Variants in TPD52L1 observed in about 807,000 individuals in gnomAD.
TPD52L1 encodes the protein tumor protein D53.
Under a neutral mutation model 28.7 loss-of-function variants are expected in TPD52L1, and 18 were observed. That is an observed-to-expected ratio of 0.63 (90% CI 0.43 to 0.93). The LOEUF (loss-of-function observed/expected upper bound fraction) is 0.93. Ranked by LOEUF, TPD52L1 falls within the 40% of genes least tolerant of loss-of-function variation. The probability of loss-of-function intolerance (pLI) is 0.00; values close to 1 mark genes in which losing one functional copy is unlikely to be tolerated. For synonymous variants in TPD52L1, 75 were observed against 88.8 expected, an observed-to-expected ratio of 0.84 and a Z score of 0.88; for missense variants, 203 against 254.8, an observed-to-expected ratio of 0.80 and a Z score of 1.39.
rs142506326 is a variant in TPD52L1 at position 125,248,318 on chromosome 6, G to A, written c.321G>A (p.Gly107=). Residue 107 remains glycine, a synonymous_variant, in exon 4 of 7, where the codon GGG becomes GGA. Coordinates refer to ENST00000534000, the MANE Select transcript of TPD52L1 (RefSeq NM_003287.4). ...CACATGAAACCCTGAGTCACGCAGG[G>A]CAAAAGGCAACTGCAGCTTTCAGCA... ...KKTHETLSHA[G]QKATAAFSNV... The A allele has an allele frequency of 6.2e-7, 1 of 1,613,994 alleles. No individual in the cohort carries two copies. The highest frequency in any genetic ancestry group is 1.3e-5 in the African/African-American group (1 of 74,906).
intron 1 of TPD52L1, among the ~76,000 whole-genome samples, chr6:125,178,282 G>A (rs1791940992): frequency 1.3e-5 from 2 of 152,108 alleles, no homozygotes; most frequent in South Asian, 2.1e-4. Flanking sequence ...CTATTCTTGT[G>A]AGGCTCAAAT....
At chr6:125,203,590 T>C (rs575767634) in intron 1 of TPD52L1, 3 of 983,830 alleles carry the variant, frequency 3.0e-6, no homozygotes, top group African/African-American at 1.7e-5. Flanking sequence ...GTTGTTTGTC[T>C]GCATGGTTTT....
Position 125,264,148 on chromosome 6 carries a change from C to T in TPD52L1, c.*1186C>T, listed in dbSNP as rs371965605. On this transcript the variant is annotated 3_prime_UTR_variant, in exon 7 of 7. Transcript: ENST00000534000. ...CTCAGATTTCTGCACTAACTTTTAT[C>T]TTATATATCATATGTATCTCTTTTC... 52 of 152,258 alleles carry T rather than the reference C, an allele frequency of 3.4e-4. No homozygotes were observed. In the South Asian group the frequency reaches 0.011, roughly 32 times the overall value. 9.4% of individuals were successfully genotyped at this position (152,258 alleles called of 1,614,324 possible).
chr6:125,248,786 A>AT (rs1797075695), intron 4 of TPD52L1, among the ~76,000 whole-genome samples: 1 of 152,086 alleles, frequency 6.6e-6, no homozygotes. Context: ...CATCTAGTAT[A>AT]TTTTTTCTGT....
At chr6:125,235,095 A>T (rs866490573) in intron 3 of TPD52L1, among the ~76,000 whole-genome samples, 1 of 64,890 alleles carries the variant, frequency 1.5e-5, no homozygotes, top group Non-Finnish European at 2.9e-5. Flanking sequence ...CCCTGTCTAC[A>T]AATAACAATA....
chr6:125,172,061 CTTCTTTCT>C (rs201530227), intron 1 of TPD52L1, among the ~76,000 whole-genome samples: 1 of 137,550 alleles, frequency 7.3e-6, no homozygotes, highest in Non-Finnish European at 1.5e-5. Context: ...CCTTCTTTCT[CTTCTTTCT>C]TTCTTTCTTT....
chr6:125,182,609 G>A (rs187838446), intron 1 of TPD52L1, among the ~76,000 whole-genome samples: 5 of 152,276 alleles, frequency 3.3e-5, no homozygotes, highest in East Asian at 1.9e-4. Flanking sequence ...GGGACATTTA[G>A]TTAACTTGAC....
chr6:125,191,398 T>C (rs573311166), intron 1 of TPD52L1, among the ~76,000 whole-genome samples: 105 of 152,354 alleles, frequency 6.9e-4, no homozygotes, highest in Non-Finnish European at 1.0e-3. Flanking sequence ...AACGTTTTTT[T>C]CCAGCTCCCA....
chr6:125,182,116 G>A (rs1222730424), intron 1 of TPD52L1, among the ~76,000 whole-genome samples: 1 of 152,184 alleles, frequency 6.6e-6, no homozygotes, highest in Non-Finnish European at 1.5e-5. Context: ...CCACTTGAAA[G>A]GCAGGTAGGT....
At chr6:125,178,894 G>C (rs1007066283) in intron 1 of TPD52L1, among the ~76,000 whole-genome samples, 2 of 152,138 alleles carry the variant, frequency 1.3e-5, no homozygotes, top group South Asian at 4.1e-4. Flanking sequence ...TATGTTGACT[G>C]GATTCCCACT....
chr6:125,154,625 T>G (rs1789994440), intron 1 of TPD52L1: 1 of 760,000 alleles, frequency 1.3e-6, no homozygotes, highest in African/African-American at 1.9e-5. Flanking sequence ...CGGGGCTGCC[T>G]GCTGGAGGAG....
At chr6:125,177,980 G>A (rs1027467503) in intron 1 of TPD52L1, among the ~76,000 whole-genome samples, 2 of 152,046 alleles carry the variant, frequency 1.3e-5, no homozygotes, top group Non-Finnish European at 2.9e-5. Context: ...CTCTTTAGCT[G>A]TTTCAATATT....
At chr6:125,233,618 T>G (rs1434879858) in intron 3 of TPD52L1, among the ~76,000 whole-genome samples, 1 of 152,232 alleles carries the variant, frequency 6.6e-6, no homozygotes, top group East Asian at 1.9e-4. Flanking sequence ...TAAAATAATC[T>G]TAAATGTTTT....
chr6:125,217,499 A>G (rs776293271), intron 1 of TPD52L1, among the ~76,000 whole-genome samples: 2 of 152,070 alleles, frequency 1.3e-5, no homozygotes, highest in East Asian at 1.9e-4. Context: ...TTGCGGTCCT[A>G]TGAGAATCTA....
intron 5 of TPD52L1, among the ~76,000 whole-genome samples, chr6:125,254,127 T>A (rs1797444124): frequency 6.6e-6 from 1 of 152,258 alleles, no homozygotes; most frequent in Non-Finnish European, 1.5e-5. Flanking sequence ...AACTTGGGTT[T>A]CTTATTTCCG....
At chr6:125,174,840 G>A (rs1791720751) in intron 1 of TPD52L1, among the ~76,000 whole-genome samples, 1 of 152,152 alleles carries the variant, frequency 6.6e-6, no homozygotes, top group Non-Finnish European at 1.5e-5. Flanking sequence ...AGTGCAAAGT[G>A]CATGGGGAAG....
intron 1 of TPD52L1, among the ~76,000 whole-genome samples, chr6:125,191,467 T>C (rs974273886): frequency 5.3e-5 from 8 of 152,176 alleles, no homozygotes; most frequent in Admixed American, 5.2e-4. Context: ...GAAGGGATAA[T>C]GATGTGTTTA....
At chr6:125,186,479 A>G (rs1182157292) in intron 1 of TPD52L1, among the ~76,000 whole-genome samples, 3 of 152,218 alleles carry the variant, frequency 2.0e-5, no homozygotes, top group Non-Finnish European at 4.4e-5. Flanking sequence ...AAATTGAGCT[A>G]GGGAAAATTT....
At chr6:125,239,293 G>T (rs952139997) in intron 3 of TPD52L1, among the ~76,000 whole-genome samples, 1 of 152,028 alleles carries the variant, frequency 6.6e-6, no homozygotes, top group Admixed American at 6.6e-5. Context: ...GTCTATTCAC[G>T]TCTGTATTAG....
Sources: gnomAD v4.1 joint callset for allele counts (sites outside exome capture counted in the v4.1 genomes callset) on GRCh38, gnomAD v4.1.1 for gene constraint, MANE v1.5 for transcripts, NCBI Gene and HGNC (gene_info 2026-07-23, HGNC 2026-07-21) for gene names.